The following MCPH1 variants were observed in gnomAD, a reference collection of about 807,000 sequenced individuals.
MCPH1 encodes the protein microcephalin 1, also known as microcephalin.
In MCPH1, 104 loss-of-function variants were observed where a neutral mutation model predicts 84.5. The ratio of observed to expected loss-of-function variants is 1.23; its 90% CI spans 1.05 to 1.45. The LOEUF is 1.45. Ranked by LOEUF, MCPH1 falls within the 40% of genes most tolerant of loss-of-function variation. The pLI, the probability that MCPH1 is intolerant of heterozygous loss-of-function variation, is 0.00. For missense variants in MCPH1, 1,498 were observed against 1,005.7 expected (o/e 1.49, Z -6.62); for synonymous variants, 514 against 366.8 (o/e 1.40, Z -4.58).
chr8:6,501,817 A>G (rs1812252821), intron 12 of MCPH1: 1 of 151,978 alleles, frequency 6.6e-6, no homozygotes. Flanking sequence ...TTGCCTACCA[A>G]TGTACTGGGA....
Position 6,444,552 on chromosome 8 carries a change from C to T in MCPH1, c.830C>T (p.Ser277Leu), listed in dbSNP as rs1342962561. The T allele has an allele frequency of 6.2e-7, 1 of 1,614,112 alleles. No individual in the cohort carries two copies. The highest frequency in any genetic ancestry group is 1.1e-5 in the South Asian group (1 of 91,064). The change falls in exon 8 of 14, where the codon TCA becomes TTA. Residue 277 changes from serine to leucine, a missense_variant. Ser to Leu is a moderately radical substitution (Grantham distance 145). Transcript: ENST00000344683. ...LVLKANNIHS[S>L]PSFTHLDKSS... ...TTGAAAGCAAATAATATTCATTCAT[C>T]ACCATCTTTCACTCACCTCGATAAA...
chr8:6,504,042 G>A (rs1175576641), intron 12 of MCPH1, among the ~76,000 whole-genome samples: 1 of 152,228 alleles, frequency 6.6e-6, no homozygotes, highest in Non-Finnish European at 1.5e-5. Flanking sequence ...GCAGGGGCCG[G>A]GCGCAGTGGC....
chr8:6,636,789 A>C (rs1333577683), intron 13 of MCPH1, among the ~76,000 whole-genome samples: 1 of 152,216 alleles, frequency 6.6e-6, no homozygotes, highest in East Asian at 1.9e-4. Flanking sequence ...CATTCCAAAA[A>C]TGCCACCCAC....
chr8:6,557,701 A>G (rs1466300121), intron 12 of MCPH1, among the ~76,000 whole-genome samples: 1 of 151,604 alleles, frequency 6.6e-6, no homozygotes, highest in African/African-American at 2.4e-5. Context: ...ACACACACAC[A>G]CACACACACA....
At chr8:6,482,983 C>G (rs1809424861) in intron 11 of MCPH1, among the ~76,000 whole-genome samples, 1 of 152,170 alleles carries the variant, frequency 6.6e-6, no homozygotes, top group South Asian at 2.1e-4. Context: ...ATAGAGTTAT[C>G]TCTATTTATA....
intron 9 of MCPH1, among the ~76,000 whole-genome samples, chr8:6,459,470 A>G (rs891990664): frequency 6.6e-6 from 1 of 152,186 alleles, no homozygotes; most frequent in East Asian, 1.9e-4. Context: ...ATTAGATTCT[A>G]TTAAGCACAA....
chr8:6,579,666 A>T (rs901374151), intron 12 of MCPH1, among the ~76,000 whole-genome samples: 1 of 152,194 alleles, frequency 6.6e-6, no homozygotes, highest in Non-Finnish European at 1.5e-5. Context: ...TAATGTACAC[A>T]CCAAGTGGTT....
At chr8:6,557,722 T>C (rs1434102859) in intron 12 of MCPH1, among the ~76,000 whole-genome samples, 1 of 144,558 alleles carries the variant, frequency 6.9e-6, no homozygotes, top group Non-Finnish European at 1.6e-5. Flanking sequence ...CACATACATA[T>C]ATACAGGGAG....
chr8:6,631,099 C>T (rs1797128028), intron 13 of MCPH1, among the ~76,000 whole-genome samples: 1 of 152,194 alleles, frequency 6.6e-6, no homozygotes, highest in African/African-American at 2.4e-5. Flanking sequence ...ATCTTCAAGC[C>T]CGCAGGAAAG....
At chr8:6,455,457 C>G (rs528856599) in intron 9 of MCPH1, among the ~76,000 whole-genome samples, 1 of 152,294 alleles carries the variant, frequency 6.6e-6, no homozygotes, top group South Asian at 2.1e-4. Context: ...ATAGAGCAAG[C>G]TTTCTCATAT....
intron 4 of MCPH1, among the ~76,000 whole-genome samples, chr8:6,435,279 C>A (rs1398384456): frequency 6.6e-6 from 1 of 152,134 alleles, no homozygotes; most frequent in Non-Finnish European, 1.5e-5. Context: ...ACCAAGCAGG[C>A]AGTGGGCGTG....
intron 8 of MCPH1, among the ~76,000 whole-genome samples, chr8:6,450,775 C>T (rs1290990476): frequency 1.3e-5 from 2 of 152,126 alleles, no homozygotes; most frequent in East Asian, 1.9e-4. Flanking sequence ...TAGGGTCTCA[C>T]TCTGTCACCC....
intron 13 of MCPH1, chr8:6,625,933 TTTTCC>T: frequency 1.0e-6 from 1 of 984,528 alleles, no homozygotes; most frequent in Non-Finnish European, 1.2e-6. Context: ...GTTTCTTTTC[TTTTCC>T]TTTCTTTATT....
intron 9 of MCPH1, among the ~76,000 whole-genome samples, chr8:6,475,104 A>G (rs1225904560): frequency 1.3e-5 from 2 of 152,338 alleles, no homozygotes; most frequent in East Asian, 1.9e-4. Context: ...AGAACAGAAC[A>G]TCCTTAAGAG....
intron 12 of MCPH1, among the ~76,000 whole-genome samples, chr8:6,590,177 G>C (rs955250595): frequency 6.7e-6 from 1 of 148,358 alleles, no homozygotes; most frequent in African/African-American, 2.5e-5. Context: ...CAAGAGCATG[G>C]AAGAGTGTTA....
rs1266573606 is a variant in MCPH1 at position 6,644,758 on chromosome 8, CTGT to C, written c.*1714_*1716del. On this transcript the variant is annotated 3_prime_UTR_variant, in exon 14 of 14. Coordinates refer to ENST00000344683, the MANE Select transcript of MCPH1 (RefSeq NM_024596.5). ...GTTATTTATCTGTTGCTCATCTCAG[CTGT>C]TGTTCCTACCTCAAATTTCAAGTCC... The C allele has an allele frequency of 6.6e-6, 1 of 152,206 alleles. No homozygotes were observed. The highest frequency in any genetic ancestry group is 2.4e-5 in the African/African-American group (1 of 41,438). The allele number at this position is 152,206 out of a possible 1,614,324, so 9.4% of individuals were successfully genotyped here.
chr8:6,474,340 G>A (rs535581962), intron 9 of MCPH1: 14 of 426,160 alleles, frequency 3.3e-5, no homozygotes, highest in East Asian at 2.3e-4. Flanking sequence ...TCTATGACAC[G>A]TTTCTATCAC....
At chr8:6,578,890 A>T (rs1012913987) in intron 12 of MCPH1, among the ~76,000 whole-genome samples, 2 of 152,170 alleles carry the variant, frequency 1.3e-5, no homozygotes, top group African/African-American at 4.8e-5. Flanking sequence ...TCTCTGGCCC[A>T]TGTTATTCCT....
chr8:6,485,557 A>G (rs977062607), intron 11 of MCPH1, among the ~76,000 whole-genome samples: 7 of 152,044 alleles, frequency 4.6e-5, no homozygotes, highest in Admixed American at 1.3e-4. Context: ...ATTTAAAAAC[A>G]TAACTTTCTC....
Sources: gnomAD v4.1 joint callset for allele counts (sites outside exome capture counted in the v4.1 genomes callset) on GRCh38, gnomAD v4.1.1 for gene constraint, MANE v1.5 for transcripts, NCBI Gene and HGNC (gene_info 2026-07-23, HGNC 2026-07-21) for gene names.